Variants in MYRF observed in about 807,000 individuals in gnomAD.
MYRF encodes myelin regulatory factor.
A neutral mutation model predicts 126.3 loss-of-function variants in MYRF; 16 were observed. The observed-to-expected ratio is 0.13, with a 90% CI of 0.09 to 0.19. The LOEUF (loss-of-function observed/expected upper bound fraction) is 0.19, where lower values mean the gene tolerates loss of function less well. Among genes scored for constraint, MYRF ranks in the 10% least tolerant of loss-of-function variants. The probability of loss-of-function intolerance (pLI) is 1.00; values close to 1 mark genes in which losing one functional copy is unlikely to be tolerated. For synonymous variants in MYRF, 608 were observed against 635.3 expected (o/e 0.96, Z 0.65); for missense variants, 1,104 against 1,547.0 (o/e 0.71, Z 4.80).
chr11:61,777,107 A>AAT lies in MYRF; in HGVS notation c.1591-157_1591-156insAT, dbSNP rs2066405436. 6.6e-6 allele frequency among the ~76,000 whole-genome samples: 1 copy of AAT among 152,144 alleles called. No individual in the cohort carries two copies. ...TTCTGGGATCCCACAAGTGACAAAA[A>AAT]GTTGTCACAGTGGGAGGGACAGTTC... is the stretch of plus-strand genomic sequence containing the variant. On this transcript the variant is annotated intron_variant, in intron 11 of 26. Coordinates refer to ENST00000278836, the MANE Select transcript of MYRF (RefSeq NM_001127392.3). The surrounding 1 kb of genome is among the most constrained non-coding windows in gnomAD (Gnocchi z 8.8).
rs542057976 is a variant in MYRF, at chr11:61,760,821, T to C, written c.47-4804T>C. Among the ~76,000 whole-genome samples, 134 of 152,242 alleles carry C rather than the reference T, an allele frequency of 8.8e-4. 1 individual carries two copies. Among genetic ancestry groups the C allele is most frequent in the African/African-American group, 3.2e-3 (131 of 41,544 alleles). Reference sequence around the variant, plus strand: ...AGGGTCATAGCCATCAAGTGGGAAGTCCACATTAGAAACCAGGCCTCTTTG... The same window carrying C: ...AGGGTCATAGCCATCAAGTGGGAAGCCCACATTAGAAACCAGGCCTCTTTG... On this transcript the variant is annotated intron_variant, in intron 1 of 26. Coordinates refer to ENST00000278836, the MANE Select transcript of MYRF (RefSeq NM_001127392.3).
At chr11:61,772,126 G>A (rs746528906) in intron 7 of MYRF, among the ~76,000 whole-genome samples, 174 bp downstream of exon 7, 3 of 152,126 alleles carry the variant, frequency 2.0e-5, no homozygotes, top group Non-Finnish European at 4.4e-5. Flanking sequence ...TCCTAGGCCA[G>A]CCCCAGGCCT....
rs2066232319 is a variant in MYRF at position 61,771,870 on chromosome 11, G to C, written c.1033G>C (p.Asp345His). The C allele has an allele frequency of 6.2e-7, 1 of 1,613,984 alleles. No homozygotes were observed. The highest frequency in any genetic ancestry group is 8.5e-7 in the Non-Finnish European group (1 of 1,180,016). The change falls in exon 7 of 27, where the codon GAC becomes CAC. Residue 345 changes from aspartate (D) to histidine (H), a missense_variant. Asp to His is a moderately conservative substitution (Grantham distance 81). Transcript: ENST00000278836. ...TGACAGCCTCAGTGGCTCCTACCTG[G>C]ACCCCAACTACCAGTCCATCAAGTG... Reference protein sequence around the residue: ...DSDSLSGSYLDPNYQSIKWQP... With the variant: ...DSDSLSGSYLHPNYQSIKWQP...
At chr11:61,758,930 A>G (rs976859791) in intron 1 of MYRF, among the ~76,000 whole-genome samples, 6 of 152,206 alleles carry the variant, frequency 3.9e-5, no homozygotes, top group Non-Finnish European at 8.8e-5. Flanking sequence ...GTGTGTGGGT[A>G]TATGTGTGGG....
chr11:61,784,073 C>T lies in MYRF; in HGVS notation c.3194+148C>T, dbSNP rs990993050. 12 of 1,078,608 alleles carry T rather than the reference C, an allele frequency of 1.1e-5. No homozygotes were observed. The African/African-American group carries it at 1.4e-4, about 13-fold the overall frequency. 66.8% of individuals were successfully genotyped at this position (1,078,608 alleles called of 1,614,324 possible). A position where few individuals can be genotyped will look rare whatever the true frequency, so the allele number is the denominator to read the frequency against. On this transcript the variant is annotated intron_variant, in intron 24 of 26. Transcript: ENST00000278836. ...TAAGTGCTGACTTCATTGCCTACTT[C>T]GTGGTTAACTGGCTAAATGACCTGG...
At position 61,783,315 on chromosome 11, in the gene MYRF, G is replaced by C. The variant is rs893444322; in HGVS notation, c.3017-183G>C. ...GGCAGACGTCAGGCTCATGGGAACT[G>C]GGTAGTCCTAGGGCTGCTGAGGAAA... On this transcript the variant is annotated intron_variant, in intron 22 of 26. Transcript: ENST00000278836. This position sits in a 1 kb window ranked among gnomAD's most constrained non-coding sequence, Gnocchi z 4.6. The C allele has an allele frequency of 2.7e-5, 15 of 563,078 alleles. No individual in the cohort carries two copies. Among genetic ancestry groups the C allele is most frequent in the Non-Finnish European group, 4.2e-5 (13 of 311,220 alleles). 34.9% of individuals were successfully genotyped at this position (563,078 alleles called of 1,614,324 possible).
chr11:61,771,477 G>A lies in MYRF; in HGVS notation c.741-23G>A, dbSNP rs369330716. ...GGGCTCGGGGAGAGCCAGCCCCCAC[G>A]GCGCACACTTCTGTTTCCCCAGGCT... On this transcript the variant is annotated intron_variant, in intron 5 of 26. Transcript: ENST00000278836. 246 of 1,599,016 alleles carry A rather than the reference G, an allele frequency of 1.5e-4. 2 individuals carry two copies. The highest frequency in any genetic ancestry group is 1.3e-3 in the South Asian group (121 of 89,760).
intron 1 of MYRF, among the ~76,000 whole-genome samples, chr11:61,763,133 C>T (rs769731822): frequency 1.3e-5 from 2 of 152,108 alleles, no homozygotes; most frequent in South Asian, 2.1e-4. Flanking sequence ...GCAGCTTCAG[C>T]GGCCAGGGTG....
In MYRF at chr11:61,776,658, C is replaced by T; in HGVS notation, c.1500-129C>T. ...TGCTGTGGGCCCTGGGGAATTTCTG[C>T]CCCCTGGTGGAGGCTCGGGTTCCTC... On this transcript the variant is annotated intron_variant, in intron 10 of 26. Transcript: ENST00000278836. The surrounding 1 kb of genome is among the most constrained non-coding windows in gnomAD (Gnocchi z 4.3). The T allele has an allele frequency of 1.2e-6, 1 of 810,666 alleles. No homozygotes were observed. 50.2% of individuals were successfully genotyped at this position (810,666 alleles called of 1,614,324 possible). A position where few individuals can be genotyped will look rare whatever the true frequency, so the allele number is the denominator to read the frequency against.
chr11:61,778,350 A>C lies in MYRF; in HGVS notation c.1904-30A>C. 12 of 1,348,534 alleles carry C rather than the reference A, an allele frequency of 8.9e-6. No homozygotes were observed. The highest frequency in any genetic ancestry group is 1.3e-5 in the Non-Finnish European group (12 of 939,014). The allele number at this position is 1,348,534 out of a possible 1,614,324, so 83.5% of individuals were successfully genotyped here. A position where few individuals can be genotyped will look rare whatever the true frequency, so the allele number is the denominator to read the frequency against. On this transcript the variant is annotated intron_variant, in intron 13 of 26. Transcript: ENST00000278836. This position sits in a 1 kb window ranked among gnomAD's most constrained non-coding sequence, Gnocchi z 4.6. ...GTGAGTAGCCCTTTACCACCCCCCC[A>C]CCCATCTTTGGCTTGTCCCCTGCCC...
rs418815 is a variant in MYRF, at chr11:61,781,431, G to A, written c.2764+102G>A. Reference sequence around the variant, plus strand: ...GAGGGTCTCCTGGAGCCTAGAACGAGGCTCTGGACAATGACTGGGAAGTTC... The same window carrying A: ...GAGGGTCTCCTGGAGCCTAGAACGAAGCTCTGGACAATGACTGGGAAGTTC... On this transcript the variant is annotated intron_variant, in intron 21 of 26. Transcript: ENST00000278836. 4 of 1,544,514 alleles carry A rather than the reference G, an allele frequency of 2.6e-6. No homozygotes were observed. In the African/African-American group the frequency reaches 4.1e-5, roughly 16 times the overall value.
chr11:61,772,651 C>T (rs1011086240), intron 7 of MYRF, among the ~76,000 whole-genome samples: 1 of 152,248 alleles, frequency 6.6e-6, no homozygotes, highest in Non-Finnish European at 1.5e-5. Context: ...GTATGGCACT[C>T]CAGCCTCTCT....
At chr11:61,780,006 C>A in intron 17 of MYRF, 76 bp downstream of exon 17, 1 of 1,390,176 alleles carries the variant, frequency 7.2e-7, no homozygotes, top group Non-Finnish European at 1.0e-6. Flanking sequence ...TGCCCATGGG[C>A]TCAGGCCTGG....
chr11:61,764,455 G>A (rs1391477917), intron 1 of MYRF, among the ~76,000 whole-genome samples: 1 of 152,246 alleles, frequency 6.6e-6, no homozygotes, highest in Non-Finnish European at 1.5e-5. Context: ...GAGAGTGCAT[G>A]TGACCTGCCC....
chr11:61,757,158 T>G lies in MYRF; in HGVS notation c.46+4368T>G, dbSNP rs919255371. The G allele has an allele frequency of 6.6e-6, 3 of 456,766 alleles. No individual in the cohort carries two copies. Among genetic ancestry groups the G allele is most frequent in the African/African-American group, 4.0e-5 (2 of 50,032 alleles). 28.3% of individuals were successfully genotyped at this position (456,766 alleles called of 1,614,324 possible). A position where few individuals can be genotyped will look rare whatever the true frequency, so the allele number is the denominator to read the frequency against. On this transcript the variant is annotated intron_variant, in intron 1 of 26. Coordinates refer to ENST00000278836, the MANE Select transcript of MYRF (RefSeq NM_001127392.3). The surrounding 1 kb of genome is among the most constrained non-coding windows in gnomAD (Gnocchi z 4.7). Reference sequence around the variant, plus strand: ...TCTCATTGCCTTGGGTGCTGGAGTATGTGGGGCCTCCTCTCCTATCTCCAG... The same window carrying G: ...TCTCATTGCCTTGGGTGCTGGAGTAGGTGGGGCCTCCTCTCCTATCTCCAG...
chr11:61,756,061 T>G (rs973513389), intron 1 of MYRF, among the ~76,000 whole-genome samples: 1 of 152,198 alleles, frequency 6.6e-6, no homozygotes, highest in African/African-American at 2.4e-5. Flanking sequence ...TCCAATGTGA[T>G]TTTTTAACCA....
chr11:61,769,522 T>A (rs927590435), intron 4 of MYRF, among the ~76,000 whole-genome samples: 3 of 152,220 alleles, frequency 2.0e-5, no homozygotes, highest in Admixed American at 2.0e-4. Context: ...TGAGCAAGTA[T>A]CCCCGCGGTG....
intron 1 of MYRF, among the ~76,000 whole-genome samples, chr11:61,759,612 G>A (rs1015041487): frequency 1.3e-5 from 2 of 152,134 alleles, no homozygotes; most frequent in East Asian, 1.9e-4. Flanking sequence ...GGAAGTTGCA[G>A]TGAGCCAAGA....
In MYRF at chr11:61,771,560, T is replaced by G. The variant is rs958746705; in HGVS notation, c.801T>G (p.Asn267Lys). 1.2e-6 allele frequency: 2 copies of G among 1,613,812 alleles called. No individual in the cohort carries two copies. The highest frequency in any genetic ancestry group is 1.7e-6 in the Non-Finnish European group (2 of 1,179,894). ...CTGAATCCCCCCCCAGCACCCTCAA[T>G]GCCCAGATGCTGAATGGAATGATCA... ...KHSESPPSTL[N>K]AQMLNGMIKQ... Residue 267 changes from asparagine (N) to lysine (K), a missense_variant, in exon 6 of 27, where the codon AAT becomes AAG. Asn to Lys is a moderately conservative substitution (Grantham distance 94). Around this residue, in one of 10 missense-constraint regions of MYRF, gnomAD observed 368 missense variants for 403.9 expected, o/e 0.91. Coordinates refer to ENST00000278836, the MANE Select transcript of MYRF (RefSeq NM_001127392.3).
Sources: gnomAD v4.1 joint callset for allele counts (sites outside exome capture counted in the v4.1 genomes callset) on GRCh38, gnomAD v4.1.1 for gene constraint, gnomAD v4.1.1 regional missense constraint, Gnocchi (gnomAD v3.1) non-coding constraint, MANE v1.5 for transcripts, NCBI Gene and HGNC (gene_info 2026-07-23, HGNC 2026-07-21) for gene names.